The following NEXN variants were observed in gnomAD, a reference collection of about 807,000 sequenced individuals.
NEXN encodes nexilin F-actin binding protein.
In NEXN, 65 loss-of-function variants were observed where a neutral mutation model predicts 92.6. The ratio of observed to expected loss-of-function variants is 0.70; its 90% CI spans 0.57 to 0.86. NEXN has a LOEUF of 0.86. Ranked by LOEUF, NEXN falls within the 40% of genes least tolerant of loss-of-function variation. The pLI is 0.00. For missense variants in NEXN, 778 were observed against 771.1 expected (o/e 1.01, Z -0.11); for synonymous variants, 254 against 242.5 (o/e 1.05, Z -0.44).
chr1:77,920,661 G>A (rs1423949202), intron 5 of NEXN, among the ~76,000 whole-genome samples: 1 of 149,340 alleles, frequency 6.7e-6, no homozygotes, highest in Non-Finnish European at 1.5e-5. Context: ...GGTGGGTGGG[G>A]ATTAATAGTA....
chr1:77,914,567 A>C (rs1427839977), intron 1 of NEXN, among the ~76,000 whole-genome samples: 3 of 152,176 alleles, frequency 2.0e-5, no homozygotes, highest in Non-Finnish European at 4.4e-5. Context: ...AATTAAAAAA[A>C]CAGATTTTAG....
intron 9 of NEXN, 58 bp from the exon 10 acceptor site, chr1:77,933,224 A>T: frequency 9.3e-7 from 1 of 1,072,436 alleles, no homozygotes; most frequent in East Asian, 2.5e-5. Context: ...TTCAAGAAAT[A>T]GTCCCTTTTT....
At chr1:77,937,797 A>T (rs540445096) in intron 11 of NEXN, among the ~76,000 whole-genome samples, 1 of 152,270 alleles carries the variant, frequency 6.6e-6, no homozygotes, top group Non-Finnish European at 1.5e-5. Flanking sequence ...CCCTGTTCAT[A>T]TAGTGTTTAG....
In NEXN at chr1:77,942,481, GGAA is replaced by G. The variant is rs1228931205; in HGVS notation, c.1685_1687del (p.Glu562del). ...TACAGAAAAGAGAAGAGGAGGAGGA[GGAA>G]GAAGGTAGCATCATGAATGGCTCCA... On this transcript the variant is annotated inframe_deletion, in exon 13 of 13. Coordinates refer to ENST00000334785, the MANE Select transcript of NEXN (RefSeq NM_144573.4). The G allele has an allele frequency of 3.7e-6, 6 of 1,613,536 alleles. No homozygotes were observed. The highest frequency in any genetic ancestry group is 1.3e-5 in the African/African-American group (1 of 74,866).
Position 77,917,626 on chromosome 1 carries a change from G to C in NEXN, c.88G>C (p.Asp30His). The change falls in exon 3 of 13, where the codon GAT becomes CAT. Residue 30 changes from aspartate to histidine, a missense_variant. By Grantham distance (81) the Asp-to-His change is moderately conservative. Around this residue, in one of 3 missense-constraint regions of NEXN, gnomAD observed 236 missense variants for 265.6 expected, o/e 0.89. Transcript: ENST00000334785. ...KTYVPKLGKG[D>H]VKDKFEAMQR... ...CTATGTACCAAAACTTGGCAAGGGT[G>C]ATGTAAAGGATAAGTTTGAAGCCAT... 1 of 1,613,496 alleles carries C rather than the reference G, an allele frequency of 6.2e-7. No homozygotes were observed. Among genetic ancestry groups the C allele is most frequent in the Non-Finnish European group, 8.5e-7 (1 of 1,179,714 alleles).
At chr1:77,921,185 C>A (rs577342406) in intron 5 of NEXN, among the ~76,000 whole-genome samples, 1 of 152,186 alleles carries the variant, frequency 6.6e-6, no homozygotes, top group South Asian at 2.1e-4. Flanking sequence ...CTCTTAAAAA[C>A]AGACAGACAA....
At chr1:77,894,504 G>T (rs189444524) in intron 1 of NEXN, among the ~76,000 whole-genome samples, 1 of 151,906 alleles carries the variant, frequency 6.6e-6, no homozygotes, top group Non-Finnish European at 1.5e-5. Flanking sequence ...GCAGTGGCGT[G>T]ATCAGGGTTC....
At chr1:77,934,899 G>A (rs535636675) in intron 10 of NEXN, among the ~76,000 whole-genome samples, 1 of 152,350 alleles carries the variant, frequency 6.6e-6, no homozygotes, top group African/African-American at 2.4e-5. Context: ...AGTATTAAGA[G>A]TGATGTTTAC....
In NEXN at chr1:77,942,450, T is replaced by A. The variant is rs759212294; in HGVS notation, c.1660-11T>A. 2 of 1,612,478 alleles carry A rather than the reference T, an allele frequency of 1.2e-6. No homozygotes were observed. Among genetic ancestry groups the A allele is most frequent in the South Asian group, 2.2e-5 (2 of 91,062 alleles). On this transcript the variant is annotated splice_polypyrimidine_tract_variant and intron_variant, in intron 12 of 12. Transcript: ENST00000334785. ...ATAAATGCCAACCTGAATGCATTTA[T>A]TTTAATACAGAAAAGAGAAGAGGAG... is the stretch of plus-strand genomic sequence containing the variant.
chr1:77,908,936 G>A (rs1648355507), intron 1 of NEXN, among the ~76,000 whole-genome samples: 1 of 152,146 alleles, frequency 6.6e-6, no homozygotes, highest in Non-Finnish European at 1.5e-5. Flanking sequence ...ATCTAAATGT[G>A]AGGTGATTGA....
At chr1:77,894,167 G>C (rs1647168672) in intron 1 of NEXN, among the ~76,000 whole-genome samples, 1 of 152,024 alleles carries the variant, frequency 6.6e-6, no homozygotes, top group African/African-American at 2.4e-5. Context: ...ATGTTGGCCA[G>C]GCTGGTCTCG....
chr1:77,918,810 C>T (rs991720468), intron 5 of NEXN, among the ~76,000 whole-genome samples: 13 of 152,178 alleles, frequency 8.5e-5, no homozygotes, highest in Admixed American at 3.3e-4. Flanking sequence ...ACAATCTTAC[C>T]GCTCTATCCA....
intron 1 of NEXN, among the ~76,000 whole-genome samples, chr1:77,906,622 GTA>G (rs1648132354): frequency 1.3e-5 from 2 of 152,036 alleles, no homozygotes; most frequent in Admixed American, 1.3e-4. Flanking sequence ...CATTGAGCCT[GTA>G]TATGTCATTT....
intron 11 of NEXN, among the ~76,000 whole-genome samples, chr1:77,939,346 A>G (rs1651060045): frequency 6.6e-6 from 1 of 152,338 alleles, no homozygotes; most frequent in Admixed American, 6.5e-5. Flanking sequence ...AGGCAAGCAG[A>G]TACCAACTTT....
At position 77,917,557 on chromosome 1, in the gene NEXN, C is replaced by T. The variant is rs764131101; in HGVS notation, c.28-9C>T. 45 of 1,597,664 alleles carry T rather than the reference C, an allele frequency of 2.8e-5. No homozygotes were observed. The highest frequency in any genetic ancestry group is 3.8e-5 in the Non-Finnish European group (44 of 1,167,314). On this transcript the variant is annotated splice_polypyrimidine_tract_variant and intron_variant, in intron 2 of 12. Transcript: ENST00000334785. ...TTAACTTTCTTTTTTTTATTTTCTT[C>T]TAATGAAGATTCTGCTTTCTTCATC...
intron 10 of NEXN, 123 bp downstream of exon 10, chr1:77,933,602 T>G (rs1650488448): frequency 1.3e-6 from 1 of 787,032 alleles, no homozygotes; most frequent in African/African-American, 1.7e-5. Flanking sequence ...TATTATGAGG[T>G]GCTTACATGG....
At chr1:77,903,236 AAG>A (rs551489272) in intron 1 of NEXN, among the ~76,000 whole-genome samples, 2 of 152,148 alleles carry the variant, frequency 1.3e-5, no homozygotes, top group East Asian at 1.9e-4. Flanking sequence ...AAAAAAAAAA[AAG>A]AGAGAAATCA....
chr1:77,924,425 C>T (rs1392989055), intron 5 of NEXN, among the ~76,000 whole-genome samples: 1 of 151,668 alleles, frequency 6.6e-6, no homozygotes, highest in African/African-American at 2.4e-5. Flanking sequence ...TTTATTTTTG[C>T]CCTATATTTA....
intron 10 of NEXN, among the ~76,000 whole-genome samples, chr1:77,935,364 T>C (rs1165810910): frequency 6.6e-6 from 1 of 152,174 alleles, no homozygotes; most frequent in Non-Finnish European, 1.5e-5. Context: ...ATTTTTTGCC[T>C]TCCCCTAACA....
Sources: allele counts gnomAD v4.1 joint callset (sites outside exome capture counted in the v4.1 genomes callset), GRCh38; gene constraint gnomAD v4.1.1; regional missense constraint gnomAD v4.1.1; transcripts MANE v1.5; gene names NCBI Gene and HGNC (gene_info 2026-07-23, HGNC 2026-07-21).